STK33: variants seen among roughly 807,000 people sequenced by gnomAD.
The protein encoded by STK33 is serine/threonine-protein kinase 33.
In STK33, 52 loss-of-function variants were observed where a neutral mutation model predicts 58.0. The observed-to-expected ratio is 0.90, with a 90% CI of 0.72 to 1.13. STK33 has a LOEUF of 1.13. Ranked by LOEUF, STK33 falls within the 50% of genes most tolerant of loss-of-function variation. The pLI, the probability that STK33 is intolerant of heterozygous loss-of-function variation, is 0.00. For missense variants in STK33, 630 were observed against 604.2 expected (o/e 1.04, Z -0.45); for synonymous variants, 215 against 200.1 (o/e 1.07, Z -0.63).
the STK33 span, among the ~76,000 whole-genome samples, chr11:8,384,589 A>T: frequency 6.6e-6 from 1 of 152,170 alleles, no homozygotes; most frequent in Non-Finnish European, 1.5e-5. Flanking sequence ...TTAACTTCCT[A>T]GAAGACAGCA....
chr11:8,367,255 C>T, the STK33 span, among the ~76,000 whole-genome samples: 2 of 152,208 alleles, frequency 1.3e-5, no homozygotes, highest in African/African-American at 4.8e-5. Context: ...GTGAGTCCTA[C>T]GTCTGCAAAT....
the STK33 span, among the ~76,000 whole-genome samples, chr11:8,373,791 G>A: frequency 6.6e-6 from 1 of 152,156 alleles, no homozygotes; most frequent in Non-Finnish European, 1.5e-5. Context: ...CTGGAAAAAT[G>A]TAAGTGGGTG....
intron 1 of STK33, among the ~76,000 whole-genome samples, chr11:8,487,710 G>C (rs1056755270): frequency 1.3e-5 from 2 of 151,858 alleles, no homozygotes; most frequent in Non-Finnish European, 1.5e-5. Flanking sequence ...ATAAGATGAA[G>C]ACTAAAAAAT....
At chr11:8,458,759 A>C (rs1008064498) in intron 8 of STK33, among the ~76,000 whole-genome samples, 2 of 152,208 alleles carry the variant, frequency 1.3e-5, no homozygotes, top group Non-Finnish European at 2.9e-5. Context: ...ATTTCTATTC[A>C]AACACAGGGT....
chr11:8,536,605 T>A (rs1208278982), intron 1 of STK33, among the ~76,000 whole-genome samples: 1 of 152,230 alleles, frequency 6.6e-6, no homozygotes, highest in Non-Finnish European at 1.5e-5. Flanking sequence ...GAAGTTTTAT[T>A]GTTTAACAAC....
chr11:8,437,152 G>C (rs568366173), intron 12 of STK33, among the ~76,000 whole-genome samples: 1 of 152,202 alleles, frequency 6.6e-6, no homozygotes, highest in African/African-American at 2.4e-5. Flanking sequence ...TGAAAGCTAA[G>C]TGTACCTAAT....
the STK33 span, among the ~76,000 whole-genome samples, chr11:8,348,383 T>C: frequency 6.6e-6 from 1 of 152,078 alleles, no homozygotes; most frequent in Non-Finnish European, 1.5e-5. Flanking sequence ...CTTCACAAGG[T>C]GGCAGGAGAG....
At chr11:8,560,739 G>A (rs1957063447) in intron 1 of STK33, among the ~76,000 whole-genome samples, 1 of 152,084 alleles carries the variant, frequency 6.6e-6, no homozygotes, top group South Asian at 2.1e-4. Context: ...ACTGTTCTAA[G>A]TACCTGACAC....
intron 1 of STK33, among the ~76,000 whole-genome samples, chr11:8,490,001 A>C (rs756201102): frequency 1.2e-4 from 19 of 152,314 alleles, no homozygotes; most frequent in Non-Finnish European, 2.4e-4. Flanking sequence ...CACTGTGATC[A>C]ACGCAGAAGA....
In STK33 at chr11:8,449,095, AC is replaced by A. The variant is rs1429097860; in HGVS notation, c.871+3726del. 2.0e-4 allele frequency among the ~76,000 whole-genome samples: 30 copies of A among 151,774 alleles called. 2 individuals are homozygous for A. The highest frequency in any genetic ancestry group is 6.8e-4 in the African/African-American group (28 of 41,034). ...AAACCACAATGAGATACCATCTCAC[AC>A]CAGTTAGAATGGCGGTCATTAAAAA... On this transcript the variant is annotated intron_variant, in intron 11 of 15. Transcript: ENST00000687296.
At chr11:8,347,306 C>G in the STK33 span, among the ~76,000 whole-genome samples, 13 of 152,214 alleles carry the variant, frequency 8.5e-5, no homozygotes, top group African/African-American at 2.9e-4. Flanking sequence ...GACCAGCTCC[C>G]GGTGCCCACT....
rs187978956 is a variant in STK33 at position 8,585,440 on chromosome 11, G to T, written c.-466+8643C>A. On this transcript the variant is annotated intron_variant, in intron 1 of 15. Coordinates refer to ENST00000687296, the MANE Select transcript of STK33 (RefSeq NM_001352389.2). ...CAGTTTCCCCATGTTGGCCAGGCTG[G>T]TCTCGAACTCCTGACTTCAGGTGAT... Among the ~76,000 whole-genome samples, 564 of 150,398 alleles carry T rather than the reference G, an allele frequency of 3.8e-3. 2 individuals are homozygous for T. The highest frequency in any genetic ancestry group is 4.8e-3 in the Non-Finnish European group (322 of 67,556).
At position 8,473,296 on chromosome 11, in the gene STK33, T is replaced by TAAA; in HGVS notation, c.226-23_226-21dup. Reference sequence around the variant, plus strand: ...TGAGGGCTGGGACCAAAAAAAAAATTAAAAAAAAAAAACTTTAAGATGTAA... The same window carrying TAAA: ...TGAGGGCTGGGACCAAAAAAAAAATTAAAAAAAAAAAAAAACTTTAAGATGTAA... On this transcript the variant is annotated intron_variant, in intron 5 of 15. Coordinates refer to ENST00000687296, the MANE Select transcript of STK33 (RefSeq NM_001352389.2). 1.4e-5 allele frequency: 16 copies of TAAA among 1,138,944 alleles called. No individual in the cohort carries two copies. Among genetic ancestry groups the TAAA allele is most frequent in the East Asian group, 2.8e-5 (1 of 35,680 alleles). The allele number at this position is 1,138,944 out of a possible 1,614,324, so 70.6% of individuals were successfully genotyped here.
chr11:8,489,870 T>A (rs1031632028), intron 1 of STK33, among the ~76,000 whole-genome samples: 8 of 152,088 alleles, frequency 5.3e-5, no homozygotes, highest in African/African-American at 1.7e-4. Flanking sequence ...GAAGAAATAG[T>A]AAACCTGAAG....
At chr11:8,363,454 G>C in the STK33 span, among the ~76,000 whole-genome samples, 2 of 152,048 alleles carry the variant, frequency 1.3e-5, no homozygotes, top group Non-Finnish European at 2.9e-5. Flanking sequence ...GACCCAGTTA[G>C]TACCCCCACC....
At chr11:8,552,577 T>C (rs1956375526) in intron 1 of STK33, among the ~76,000 whole-genome samples, 1 of 152,174 alleles carries the variant, frequency 6.6e-6, no homozygotes, top group Non-Finnish European at 1.5e-5. Flanking sequence ...TCAGTTCTTT[T>C]ACTCATTTAT....
At chr11:8,337,515 CA>C in the STK33 span, among the ~76,000 whole-genome samples, 53 of 152,192 alleles carry the variant, frequency 3.5e-4, no homozygotes, top group African/African-American at 1.2e-3. Flanking sequence ...GCCTGAGAGC[CA>C]GCACTTTCTG....
At chr11:8,395,862 T>C (rs1159806610) in intron 15 of STK33, among the ~76,000 whole-genome samples, 3 of 152,232 alleles carry the variant, frequency 2.0e-5, no homozygotes, top group South Asian at 2.1e-4. Context: ...TTTTGAAAGA[T>C]ATCATCATGT....
intron 2 of STK33, among the ~76,000 whole-genome samples, chr11:8,478,502 A>T (rs866695238): frequency 6.6e-6 from 1 of 152,210 alleles, no homozygotes; most frequent in South Asian, 2.1e-4. Context: ...TCAATAAAAC[A>T]ATTCTGATAA....
Sources: gnomAD v4.1 joint callset for allele counts (sites outside exome capture counted in the v4.1 genomes callset) on GRCh38, gnomAD v4.1.1 for gene constraint, MANE v1.5 for transcripts, NCBI Gene and HGNC (gene_info 2026-07-23, HGNC 2026-07-21) for gene names.